The following ZBTB24 variants were observed in gnomAD, a reference collection of about 807,000 sequenced individuals.
ZBTB24 encodes the protein zinc finger and BTB domain containing 24.
ZBTB24 carries 32 observed loss-of-function variants against 53.8 expected under a neutral mutation model. That is an observed-to-expected ratio of 0.60 (90% CI 0.45 to 0.80). The LOEUF (loss-of-function observed/expected upper bound fraction) is 0.80, where lower values mean the gene tolerates loss of function less well. ZBTB24 is among the 30% of genes least tolerant of loss of function. The pLI, the probability that ZBTB24 is intolerant of heterozygous loss-of-function variation, is 0.00. For missense variants in ZBTB24, 722 were observed against 837.1 expected (o/e 0.86, Z 1.70); for synonymous variants, 297 against 306.7 (o/e 0.97, Z 0.33).
intron 5 of ZBTB24, among the ~76,000 whole-genome samples, chr6:109,473,946 A>G (rs752140575): frequency 2.6e-5 from 4 of 151,792 alleles, no homozygotes; most frequent in Non-Finnish European, 5.9e-5. Flanking sequence ...AAAATTAGCC[A>G]GGCGTGGTGG....
rs1213062476 is a variant in ZBTB24 at position 109,466,054 on chromosome 6, G to C, written c.1891C>G (p.Gln631Glu). The C allele has an allele frequency of 2.3e-5, 37 of 1,614,088 alleles. No individual in the cohort carries two copies. Among genetic ancestry groups the C allele is most frequent in the Non-Finnish European group, 3.1e-5 (36 of 1,180,046 alleles). ...NMIESQMGPS[Q>E]TEPVHVITLS... The stretch of plus-strand genomic sequence containing the variant: ...GTGATCACGTGCACTGGCTCTGTTT[G>C]TGAGGGCCCCATCTGGCTTTCAATC... Residue 631 changes from glutamine to glutamate, a missense_variant, in exon 7 of 7, where the codon CAA becomes GAA. Gln to Glu is a conservative substitution (Grantham distance 29, BLOSUM62 2). Transcript: ENST00000230122.
intron 5 of ZBTB24, 130 bp from the exon 6 acceptor site, chr6:109,467,864 C>G: frequency 9.5e-7 from 1 of 1,050,308 alleles, no homozygotes; most frequent in South Asian, 1.5e-5. Flanking sequence ...CAATCCCCTC[C>G]GTAAGCGTAA....
chr6:109,467,797 C>T, intron 5 of ZBTB24, 63 bp from the exon 6 acceptor site: 1 of 1,545,776 alleles, frequency 6.5e-7, no homozygotes, highest in South Asian at 1.2e-5. Context: ...AATATACATT[C>T]AGAATAAGAC....
intron 5 of ZBTB24, among the ~76,000 whole-genome samples, chr6:109,474,085 C>CAAAAAAAAAAAAAA (rs56295486): frequency 9.7e-6 from 1 of 103,570 alleles, no homozygotes; most frequent in African/African-American, 3.3e-5. Flanking sequence ...ACAGTGACTC[C>CAAAAAAAAAAAAAA]AAAAAAAAAA....
rs180836000 is a variant in ZBTB24, at chr6:109,478,205, C to G, written c.953-1275G>C. ...AAGGGTAATCACCCCAGCACCTAGA[C>G]CCATTTAGATTAAGTAAACTTACTG... On this transcript the variant is annotated intron_variant, in intron 2 of 6. Coordinates refer to ENST00000230122, the MANE Select transcript of ZBTB24 (RefSeq NM_014797.3). Among the ~76,000 whole-genome samples, 487 of 152,208 alleles carry G rather than the reference C, an allele frequency of 3.2e-3. 7 individuals carry two copies. The highest frequency in any genetic ancestry group is 0.019 in the Admixed American group (295 of 15,282).
In ZBTB24 at chr6:109,466,467, G is replaced by C. The variant is rs1231192135; in HGVS notation, c.1478C>G (p.Pro493Arg). The change falls in exon 7 of 7, where the codon CCT (proline) becomes CGT (arginine). Residue 493 changes from proline (P) to arginine (R), a missense_variant. Coordinates refer to ENST00000230122, the MANE Select transcript of ZBTB24 (RefSeq NM_014797.3). Reference protein sequence around the residue: ...LHTGKKPFSCPECNLQFARLD... With the variant: ...LHTGKKPFSCRECNLQFARLD... ...GCGAGCAAACTGTAAGTTACACTCAGGGCAGGAGAAAGGCTTCTTGCCAGT... is the reference window on the plus strand; with the variant it reads ...GCGAGCAAACTGTAAGTTACACTCACGGCAGGAGAAAGGCTTCTTGCCAGT... 1 of 1,614,198 alleles carries C rather than the reference G, an allele frequency of 6.2e-7. No homozygotes were observed. The highest frequency in any genetic ancestry group is 8.5e-7 in the Non-Finnish European group (1 of 1,180,044).
intron 5 of ZBTB24, among the ~76,000 whole-genome samples, chr6:109,468,133 T>C (rs748488735): frequency 1.3e-5 from 2 of 152,098 alleles, no homozygotes; most frequent in Non-Finnish European, 2.9e-5. Flanking sequence ...GAGTTATGTA[T>C]TATTCATGTT....
Position 109,464,148 on chromosome 6 carries a change from T to C in ZBTB24, c.*1703A>G, listed in dbSNP as rs1775976811. 3 of 152,176 alleles carry C rather than the reference T, an allele frequency of 2.0e-5. No individual in the cohort carries two copies. The highest frequency in any genetic ancestry group is 2.0e-4 in the Admixed American group (3 of 15,278). 9.4% of individuals were successfully genotyped at this position (152,176 alleles called of 1,614,324 possible). On this transcript the variant is annotated 3_prime_UTR_variant, in exon 7 of 7. Transcript: ENST00000230122. Reference sequence around the variant, plus strand: ...TGAAATAATACTTAGGGCTTAACAGTGTTTGTAAAAAATTGTTATCTTTGC... The same window carrying C: ...TGAAATAATACTTAGGGCTTAACAGCGTTTGTAAAAAATTGTTATCTTTGC...
Position 109,465,961 on chromosome 6 carries a change from T to C in ZBTB24, c.1984A>G (p.Thr662Ala), listed in dbSNP as rs574657385. 4.3e-6 allele frequency: 7 copies of C among 1,614,218 alleles called. No individual in the cohort carries two copies. The Middle Eastern group carries it at 4.9e-4, about 114-fold the overall frequency. ...TGCTGAGCTGGATCTGAAGTACTTG[T>C]AGCTAAATGGAGCTCCTCTGTTTGC... ...QEQTEELHLA[T>A]STSDPAQHLQ... is the part of the protein sequence containing the mutation. The change falls in exon 7 of 7, where the codon ACA becomes GCA. Residue 662 changes from threonine to alanine, a missense_variant. Thr to Ala is a moderately conservative substitution (Grantham distance 58). Transcript: ENST00000230122.
At chr6:109,477,245 C>T (rs763742737) in intron 2 of ZBTB24, among the ~76,000 whole-genome samples, 1 of 152,234 alleles carries the variant, frequency 6.6e-6, no homozygotes, top group African/African-American at 2.4e-5. Context: ...AAATGATCTT[C>T]CCACTTCAGC....
rs1776031993 is a variant in ZBTB24, at chr6:109,466,060, G to T, written c.1885C>A (p.Pro629Thr). The T allele has an allele frequency of 6.2e-7, 1 of 1,614,176 alleles. No homozygotes were observed. The highest frequency in any genetic ancestry group is 8.5e-7 in the Non-Finnish European group (1 of 1,180,036). The change falls in exon 7 of 7, where the codon CCC (proline) becomes ACC (threonine). Residue 629 changes from proline (P) to threonine (T), a missense_variant. Physicochemically the swap from Pro to Thr is conservative, Grantham distance 38. Transcript: ENST00000230122. ...SLNMIESQMGPSQTEPVHVIT... is the reference protein window; with the variant it reads ...SLNMIESQMGTSQTEPVHVIT... ...ACGTGCACTGGCTCTGTTTGTGAGG[G>T]CCCCATCTGGCTTTCAATCATATTG...
In ZBTB24 at chr6:109,467,653, C is replaced by A. The variant is rs755872046; in HGVS notation, c.1370G>T (p.Arg457Leu). The A allele has an allele frequency of 6.2e-7, 1 of 1,613,934 alleles. No individual in the cohort carries two copies. The highest frequency in any genetic ancestry group is 1.7e-5 in the Admixed American group (1 of 59,988). Residue 457 changes from arginine to leucine, a missense_variant and splice_region_variant, in exon 6 of 7, where the codon CGA becomes CTA. Coordinates refer to ENST00000230122, the MANE Select transcript of ZBTB24 (RefSeq NM_014797.3). ...GAGAAAAATATCTGCAAAACTTTAC[C>A]GATGGATTCTGATGTGGGTCTGAAG... is the stretch of plus-strand genomic sequence containing the variant. ...SSLQTHIRIH[R>L]GEKPYSCGIC...
intron 4 of ZBTB24, 35 bp downstream of exon 4, chr6:109,476,140 T>TC (rs763083107): frequency 2.4e-5 from 39 of 1,602,750 alleles, no homozygotes; most frequent in Admixed American, 1.2e-4. Flanking sequence ...TTGCATTTCT[T>TC]CCCCCCCAAT....
chr6:109,476,129 T>A (rs749561818), intron 4 of ZBTB24, 46 bp downstream of exon 4: 1 of 1,593,688 alleles, frequency 6.3e-7, no homozygotes, highest in South Asian at 1.1e-5. Flanking sequence ...ACAATTCTTA[T>A]TTGCATTTCT....
At position 109,481,889 on chromosome 6, in the gene ZBTB24, T is replaced by C; in HGVS notation, c.138A>G (p.Val46=). Residue 46 remains valine, a synonymous_variant, in exon 2 of 7, where the codon GTA becomes GTG. Transcript: ENST00000230122. ...GTAAGGCTTTGTGGGCCCGGAAATG[T>C]ACATTCTCCACGATTAAAGTAATGT... The part of the protein sequence containing the change: ...LCDITLIVEN[V]HFRAHKALLA... 1 of 1,614,202 alleles carries C rather than the reference T, an allele frequency of 6.2e-7. No individual in the cohort carries two copies. Among genetic ancestry groups the C allele is most frequent in the South Asian group, 1.1e-5 (1 of 91,080 alleles).
At chr6:109,469,210 TG>T (rs768848631) in intron 5 of ZBTB24, among the ~76,000 whole-genome samples, 1 of 152,258 alleles carries the variant, frequency 6.6e-6, no homozygotes, top group Non-Finnish European at 1.5e-5. Flanking sequence ...ACATCAGAGC[TG>T]GGGCCTTCTC....
intron 5 of ZBTB24, among the ~76,000 whole-genome samples, chr6:109,473,538 C>T (rs1776212865): frequency 6.6e-6 from 1 of 152,198 alleles, no homozygotes; most frequent in Non-Finnish European, 1.5e-5. Context: ...CTCTTTCCGG[C>T]ATCCCGCCCC....
chr6:109,466,256 G>A lies in ZBTB24; in HGVS notation c.1689C>T (p.Ile563=), dbSNP rs1344228806. 1.9e-6 allele frequency: 3 copies of A among 1,614,226 alleles called. No individual in the cohort carries two copies. The highest frequency in any genetic ancestry group is 2.5e-6 in the Non-Finnish European group (3 of 1,180,050). ...QLLVTDSVHN[I]NFMPGPSQGI... ...CCTGGCTAGGACCGGGCATGAAATT[G>A]ATGTTATGTACAGAATCGGTTACGA... The change falls in exon 7 of 7, where the codon ATC becomes ATT. Residue 563 remains isoleucine (I), a synonymous_variant. Transcript: ENST00000230122.
Position 109,467,666 on chromosome 6 carries a change from T to C in ZBTB24, c.1357A>G (p.Ile453Val), listed in dbSNP as rs1776076934. ...GCAAAACTTTACCGATGGATTCTGA[T>C]GTGGGTCTGAAGAGAACTCTTTGCT... ...FTAKSSLQTH[I>V]RIHRGEKPYS... is the part of the protein sequence containing the mutation. The change falls in exon 6 of 7, where the codon ATC becomes GTC. Residue 453 changes from isoleucine (I) to valine (V), a missense_variant. Transcript: ENST00000230122. 2 of 1,614,088 alleles carry C rather than the reference T, an allele frequency of 1.2e-6. No homozygotes were observed. The highest frequency in any genetic ancestry group is 1.3e-5 in the African/African-American group (1 of 74,932).
Sources: allele counts gnomAD v4.1 joint callset (sites outside exome capture counted in the v4.1 genomes callset), GRCh38; gene constraint gnomAD v4.1.1; transcripts MANE v1.5; gene names NCBI Gene and HGNC (gene_info 2026-07-23, HGNC 2026-07-21).